Variants in MGAT5B observed in about 807,000 individuals in gnomAD.
MGAT5B encodes N-acetylglucosaminyl-transferase Vb.
In MGAT5B, 54 loss-of-function variants were observed where a neutral mutation model predicts 95.1. The ratio of observed to expected loss-of-function variants is 0.57; its 90% CI spans 0.46 to 0.71. The LOEUF is 0.71. Ranked by LOEUF, MGAT5B falls within the 30% of genes least tolerant of loss-of-function variation. MGAT5B has a pLI of 0.00. For synonymous variants in MGAT5B, 464 were observed against 451.0 expected, an observed-to-expected ratio of 1.03 and a Z score of -0.36; for missense variants, 935 against 1,088.6, an observed-to-expected ratio of 0.86 and a Z score of 1.99.
intron 3 of MGAT5B, among the ~76,000 whole-genome samples, chr17:76,888,493 T>A (rs1258502743): frequency 6.6e-6 from 1 of 152,108 alleles, no homozygotes; most frequent in Non-Finnish European, 1.5e-5. Flanking sequence ...ATCAGTTTCA[T>A]AACAAAATAA....
In MGAT5B at chr17:76,870,869, A is replaced by G. The variant is rs1253991175; in HGVS notation, c.68+1772A>G. 6.6e-6 allele frequency among the ~76,000 whole-genome samples: 1 copy of G among 151,992 alleles called. No individual in the cohort carries two copies. Among genetic ancestry groups the G allele is most frequent in the African/African-American group, 2.4e-5 (1 of 41,370 alleles). The stretch of plus-strand genomic sequence containing the variant: ...TCTTTATTCCATAGGTGCCCCTGGA[A>G]TGTTGCTTGAGTGGATACATGGATG... On this transcript the variant is annotated intron_variant, in intron 1 of 17. Transcript: ENST00000569840. This position sits in a 1 kb window ranked among gnomAD's most constrained non-coding sequence, Gnocchi z 5.0.
At chr17:76,880,562 T>C (rs112612219) in intron 2 of MGAT5B, among the ~76,000 whole-genome samples, 2,187 of 152,336 alleles carry the variant, frequency 0.014, 70 homozygotes, top group African/African-American at 0.05. Context: ...GTTCTGCCTC[T>C]TCTCAGTGGC....
At position 76,881,012 on chromosome 17, in the gene MGAT5B, G is replaced by A. The variant is rs774965561; in HGVS notation, c.182-1139G>A. Among the ~76,000 whole-genome samples, 6 of 152,160 alleles carry A rather than the reference G, an allele frequency of 3.9e-5. No individual in the cohort carries two copies. The East Asian group carries it at 7.7e-4, about 20-fold the overall frequency. On this transcript the variant is annotated intron_variant, in intron 2 of 17. Transcript: ENST00000569840. ...TTCATGTTCCCAGGTGACTTGGCTCGTTTTGGGGGAGTGATTTCAAGCCTG... is the reference window on the plus strand; with the variant it reads ...TTCATGTTCCCAGGTGACTTGGCTCATTTTGGGGGAGTGATTTCAAGCCTG...
intron 2 of MGAT5B, among the ~76,000 whole-genome samples, chr17:76,881,683 T>C (rs1316042413): frequency 2.6e-5 from 4 of 152,208 alleles, no homozygotes; most frequent in African/African-American, 7.2e-5. Context: ...CAGATGCTGC[T>C]GGGTGATTGG....
At chr17:76,931,193 T>A (rs1188450636) in intron 10 of MGAT5B, among the ~76,000 whole-genome samples, 1 of 152,182 alleles carries the variant, frequency 6.6e-6, no homozygotes, top group East Asian at 1.9e-4. Context: ...GCCTCCCAAG[T>A]TCAAGTGATT....
intron 8 of MGAT5B, among the ~76,000 whole-genome samples, chr17:76,911,957 T>A (rs12951234): frequency 5.3e-5 from 8 of 152,034 alleles, no homozygotes; most frequent in South Asian, 4.1e-4. Context: ...AGTCTCTGCC[T>A]CAGGCCTCTC....
intron 3 of MGAT5B, chr17:76,882,539 GAC>G: frequency 2.3e-6 from 1 of 438,552 alleles, no homozygotes; most frequent in Non-Finnish European, 3.9e-6. Flanking sequence ...GCCTTTTAAT[GAC>G]TTCTCCCTAG....
rs1968984647 is a variant in MGAT5B, at chr17:76,917,659, G to T, written c.1026-7307G>T. Among the ~76,000 whole-genome samples, 1 of 152,114 alleles carries T rather than the reference G, an allele frequency of 6.6e-6. No individual in the cohort carries two copies. The highest frequency in any genetic ancestry group is 2.4e-5 in the African/African-American group (1 of 41,422). On this transcript the variant is annotated intron_variant, in intron 8 of 17. Transcript: ENST00000569840. The surrounding 1 kb of genome is among the most constrained non-coding windows in gnomAD (Gnocchi z 6.1). ...TTGGCCCTCATCTCCCACTGAGACT[G>T]CTCGAGTGGGATTGACAGCGGAGTC...
At chr17:76,876,623 G>A in intron 2 of MGAT5B, among the ~76,000 whole-genome samples, 1 of 152,282 alleles carries the variant, frequency 6.6e-6, no homozygotes, top group Non-Finnish European at 1.5e-5. Flanking sequence ...GAAGAGGAGG[G>A]CGTCATTCAG....
intron 3 of MGAT5B, among the ~76,000 whole-genome samples, chr17:76,893,775 G>C (rs1967967624): frequency 6.6e-6 from 1 of 152,174 alleles, no homozygotes; most frequent in Non-Finnish European, 1.5e-5. Context: ...TATCCCAGTG[G>C]AAATAGCCCT....
In MGAT5B at chr17:76,940,525, C is replaced by CTG; in HGVS notation, c.1708_1709insTG (p.Arg570LeufsTer45). On this transcript the variant is annotated frameshift_variant, in exon 14 of 18. Coordinates refer to ENST00000569840, the MANE Select transcript of MGAT5B (RefSeq NM_001199172.2). LOFTEE classifies it high-confidence loss of function. This position sits in a 1 kb window ranked among gnomAD's most constrained non-coding sequence, Gnocchi z 4.3. ...CAGCTCCCTCAACCACGAGTTCTTC[C>CTG]GAGGCAAGCCCACCTCCAGAGAGGT... is the stretch of plus-strand genomic sequence containing the variant. The CTG allele has an allele frequency of 6.2e-7, 1 of 1,612,856 alleles. No individual in the cohort carries two copies. The highest frequency in any genetic ancestry group is 8.5e-7 in the Non-Finnish European group (1 of 1,179,292).
intron 10 of MGAT5B, among the ~76,000 whole-genome samples, chr17:76,932,085 T>TCCCCCC (rs34615968): frequency 8.2e-6 from 1 of 121,894 alleles, no homozygotes; most frequent in African/African-American, 3.3e-5. Context: ...CTCCTCCTCC[T>TCCCCCC]CCCCCCCCCC....
chr17:76,897,011 C>T (rs761743083), intron 3 of MGAT5B, among the ~76,000 whole-genome samples: 4 of 152,022 alleles, frequency 2.6e-5, no homozygotes, highest in African/African-American at 4.8e-5. Flanking sequence ...CTGGACCTCA[C>T]GGGCGCAAAC....
chr17:76,946,453 C>T lies in MGAT5B; in HGVS notation c.1923+3C>T. On this transcript the variant is annotated splice_donor_region_variant and intron_variant, in intron 16 of 17. Coordinates refer to ENST00000569840, the MANE Select transcript of MGAT5B (RefSeq NM_001199172.2). ...TCCACGCCTACATCCAGCACCAGGT[C>T]AGTGAGCCCTCTGGTCCCTGCCCCA... 6.3e-7 allele frequency: 1 copy of T among 1,582,818 alleles called. No individual in the cohort carries two copies. The highest frequency in any genetic ancestry group is 1.3e-5 in the African/African-American group (1 of 74,104).
At position 76,932,698 on chromosome 17, in the gene MGAT5B, A is replaced by T; in HGVS notation, c.1345A>T (p.Thr449Ser). 6.2e-7 allele frequency: 1 copy of T among 1,614,034 alleles called. No homozygotes were observed. The highest frequency in any genetic ancestry group is 1.3e-5 in the African/African-American group (1 of 75,056). ...MGFVSEELNETEKRLIKGGKA... is the reference protein window; with the variant it reads ...MGFVSEELNESEKRLIKGGKA... ...CTTCGTGTCCGAGGAGCTCAACGAGACGGAGAAGCGGCTCATCAAAGGCGG... is the reference window on the plus strand; with the variant it reads ...CTTCGTGTCCGAGGAGCTCAACGAGTCGGAGAAGCGGCTCATCAAAGGCGG... Residue 449 changes from threonine to serine, a missense_variant, in exon 11 of 18, where the codon ACG becomes TCG. Physicochemically the swap from Thr to Ser is moderately conservative, Grantham distance 58. Transcript: ENST00000569840.
Position 76,926,730 on chromosome 17 carries a change from C to T in MGAT5B, c.1291C>T (p.Pro431Ser), listed in dbSNP as rs778134396. The change falls in exon 10 of 18, where the codon CCT becomes TCT. Residue 431 changes from proline (P) to serine (S), a missense_variant and splice_region_variant. Pro to Ser is a moderately conservative substitution (Grantham distance 74, BLOSUM62 -1). This residue lies in a region of MGAT5B where 440 missense variants were observed against 523.6 expected (regional missense o/e 0.84). Transcript: ENST00000569840. ...LNPKQFMTMFPHTPDNSFMGF... is the reference protein window; with the variant it reads ...LNPKQFMTMFSHTPDNSFMGF... Reference sequence around the variant, plus strand: ...CCCCAAGCAGTTCATGACCATGTTTCGTGAGTGCCCCACAGGGCAGGGGTG... The same window carrying T: ...CCCCAAGCAGTTCATGACCATGTTTTGTGAGTGCCCCACAGGGCAGGGGTG... 5 of 1,612,454 alleles carry T rather than the reference C, an allele frequency of 3.1e-6. No individual in the cohort carries two copies. The highest frequency in any genetic ancestry group is 2.2e-5 in the East Asian group (1 of 44,894).
chr17:76,923,691 G>C (rs987732102), intron 8 of MGAT5B, among the ~76,000 whole-genome samples: 3 of 152,194 alleles, frequency 2.0e-5, no homozygotes, highest in African/African-American at 7.2e-5. Flanking sequence ...ACCTCACACG[G>C]CTTGTGCTCC....
At chr17:76,871,975 CT>C (rs1481512887) in intron 1 of MGAT5B, among the ~76,000 whole-genome samples, 5 of 152,180 alleles carry the variant, frequency 3.3e-5, no homozygotes, top group Admixed American at 3.3e-4. Context: ...TGCTGTCCCC[CT>C]GGGGTTACCC....
intron 3 of MGAT5B, among the ~76,000 whole-genome samples, chr17:76,894,917 A>G (rs4789370): frequency 0.38 from 57,284 of 151,736 alleles, 12,260 homozygotes; most frequent in East Asian, 0.59. Context: ...AATGGCATTG[A>G]TTTCCTAGGG....
Sources: gnomAD v4.1 joint callset for allele counts (sites outside exome capture counted in the v4.1 genomes callset) on GRCh38, gnomAD v4.1.1 for gene constraint, gnomAD v4.1.1 regional missense constraint, Gnocchi (gnomAD v3.1) non-coding constraint, MANE v1.5 for transcripts, NCBI Gene and HGNC (gene_info 2026-07-23, HGNC 2026-07-21) for gene names.